The following ROBO1 variants were observed in gnomAD, a reference collection of about 807,000 sequenced individuals.
ROBO1 encodes roundabout homolog 1.
A neutral mutation model predicts 195.9 loss-of-function variants in ROBO1; 149 were observed. The ratio of observed to expected loss-of-function variants is 0.76; its 90% CI spans 0.67 to 0.87. The LOEUF is 0.87. Ranked by LOEUF, ROBO1 falls within the 40% of genes least tolerant of loss-of-function variation. The probability of loss-of-function intolerance (pLI) is 0.00; values close to 1 mark genes in which losing one functional copy is unlikely to be tolerated. For synonymous variants in ROBO1, 816 were observed against 733.2 expected, an observed-to-expected ratio of 1.11 and a Z score of -1.82; for missense variants, 1,933 against 2,068.3, an observed-to-expected ratio of 0.93 and a Z score of 1.27.
intron 2 of ROBO1, among the ~76,000 whole-genome samples, chr3:79,460,450 G>T (rs1490177750): frequency 6.6e-6 from 1 of 152,088 alleles, no homozygotes; most frequent in Non-Finnish European, 1.5e-5. Flanking sequence ...TTTTATACCA[G>T]TAAAGCAAGT....
intron 2 of ROBO1, among the ~76,000 whole-genome samples, chr3:79,278,118 G>C (rs2031200472): frequency 6.6e-6 from 1 of 151,882 alleles, no homozygotes; most frequent in Admixed American, 6.6e-5. Context: ...GGAGATGAAA[G>C]ACATTTTCAA....
chr3:79,419,297 T>C (rs2038127108), intron 2 of ROBO1, among the ~76,000 whole-genome samples: 1 of 152,136 alleles, frequency 6.6e-6, no homozygotes, highest in African/African-American at 2.4e-5. Flanking sequence ...CCCTTGGTCA[T>C]GTATTTAATT....
intron 2 of ROBO1, among the ~76,000 whole-genome samples, chr3:79,298,964 T>C (rs2032740524): frequency 6.6e-6 from 1 of 152,122 alleles, no homozygotes; most frequent in Admixed American, 6.6e-5. Context: ...AATTTAATGG[T>C]TGCATAGGAT....
At chr3:79,593,270 T>C (rs1460214671) in intron 1 of ROBO1, among the ~76,000 whole-genome samples, 1 of 152,090 alleles carries the variant, frequency 6.6e-6, no homozygotes, top group African/African-American at 2.4e-5. Flanking sequence ...TCTGGGTAAA[T>C]AATAAATAGT....
At chr3:78,684,254 A>C (rs1158357276) in intron 10 of ROBO1, among the ~76,000 whole-genome samples, 3 of 152,162 alleles carry the variant, frequency 2.0e-5, no homozygotes, top group Non-Finnish European at 2.9e-5. Flanking sequence ...TTTTACTGAC[A>C]TTATTTTGAG....
At position 79,678,678 on chromosome 3, in the gene ROBO1, G is replaced by T. The variant is rs552420319; in HGVS notation, c.-50-88717C>A. ...TAGTAGGAGTTTCTTTGACTTCACT[G>T]TAGTAGTTTGATAATGTTACAAAAA... On this transcript the variant is annotated intron_variant, in intron 1 of 30. Transcript: ENST00000464233. Among the ~76,000 whole-genome samples, 60 of 152,128 alleles carry T rather than the reference G, an allele frequency of 3.9e-4. 2 individuals are homozygous for T. Among genetic ancestry groups the T allele is most frequent in the Admixed American group, 3.5e-3 (54 of 15,242 alleles).
At chr3:79,336,364 A>C (rs1367103259) in intron 2 of ROBO1, among the ~76,000 whole-genome samples, 1 of 152,214 alleles carries the variant, frequency 6.6e-6, no homozygotes, top group African/African-American at 2.4e-5. Context: ...TAGCTTTGGT[A>C]CATGGTGCAC....
chr3:79,358,625 T>C (rs1056647685), intron 2 of ROBO1, among the ~76,000 whole-genome samples: 6 of 152,026 alleles, frequency 3.9e-5, no homozygotes, highest in Non-Finnish European at 8.8e-5. Flanking sequence ...TTATTAAATG[T>C]TTTCCCATGC....
At chr3:78,915,797 AG>A (rs2038526956) in intron 4 of ROBO1, among the ~76,000 whole-genome samples, 1 of 152,188 alleles carries the variant, frequency 6.6e-6, no homozygotes, top group East Asian at 1.9e-4. Flanking sequence ...AGCTAGGACT[AG>A]GTGTGCGTCA....
chr3:78,824,453 T>G (rs1255833562), intron 4 of ROBO1, among the ~76,000 whole-genome samples: 2 of 152,208 alleles, frequency 1.3e-5, no homozygotes, highest in East Asian at 1.9e-4. Context: ...CAAGGCTGAT[T>G]GTAAAACTTT....
intron 8 of ROBO1, among the ~76,000 whole-genome samples, chr3:78,704,710 G>C (rs1182463812): frequency 1.3e-5 from 2 of 151,182 alleles, no homozygotes; most frequent in South Asian, 2.1e-4. Context: ...GGCAGGCATG[G>C]TGGCATGCTT....
intron 2 of ROBO1, among the ~76,000 whole-genome samples, chr3:79,391,637 T>A (rs1201448360): frequency 4.6e-5 from 7 of 152,172 alleles, no homozygotes; most frequent in Non-Finnish European, 1.0e-4. Flanking sequence ...GATATCTATG[T>A]GAATTGTATA....
At chr3:79,471,360 G>A (rs1938259589) in intron 2 of ROBO1, among the ~76,000 whole-genome samples, 1 of 152,104 alleles carries the variant, frequency 6.6e-6, no homozygotes, top group South Asian at 2.1e-4. Context: ...ACAGTGCAAA[G>A]AGACAACCTA....
At chr3:79,045,370 T>G (rs571914901) in intron 3 of ROBO1, among the ~76,000 whole-genome samples, 1 of 152,088 alleles carries the variant, frequency 6.6e-6, no homozygotes, top group Non-Finnish European at 1.5e-5. Flanking sequence ...AGAAGCTTAA[T>G]GATTTGTTGT....
chr3:79,183,520 C>T (rs541882621), intron 2 of ROBO1, among the ~76,000 whole-genome samples: 2 of 152,222 alleles, frequency 1.3e-5, no homozygotes, highest in South Asian at 4.2e-4. Flanking sequence ...TGGTAAAAGC[C>T]CACATGGGTA....
At chr3:78,855,846 T>C (rs983496008) in intron 4 of ROBO1, among the ~76,000 whole-genome samples, 3 of 151,994 alleles carry the variant, frequency 2.0e-5, no homozygotes, top group African/African-American at 7.2e-5. Flanking sequence ...AACACCTCAC[T>C]CAGTCAACAT....
intron 1 of ROBO1, among the ~76,000 whole-genome samples, chr3:79,695,858 C>T (rs1004164085): frequency 1.3e-5 from 2 of 151,384 alleles, no homozygotes; most frequent in Admixed American, 6.6e-5. Flanking sequence ...GATTATTTTA[C>T]AATCTAAAAC....
chr3:79,376,793 G>T (rs895640313), intron 2 of ROBO1, among the ~76,000 whole-genome samples: 1 of 152,032 alleles, frequency 6.6e-6, no homozygotes, highest in East Asian at 1.9e-4. Flanking sequence ...TATTTTAAAG[G>T]TAGTAAAAAG....
chr3:78,614,413 T>C (rs918976684), intron 28 of ROBO1, among the ~76,000 whole-genome samples: 13 of 152,184 alleles, frequency 8.5e-5, no homozygotes, highest in Admixed American at 3.3e-4. Context: ...TTCAAAAATA[T>C]TAAGGATCTA....
Sources: gnomAD v4.1 joint callset for allele counts (sites outside exome capture counted in the v4.1 genomes callset) on GRCh38, gnomAD v4.1.1 for gene constraint, MANE v1.5 for transcripts, NCBI Gene and HGNC (gene_info 2026-07-23, HGNC 2026-07-21) for gene names.